The following SLC35E1 variants were observed in gnomAD, a reference collection of about 807,000 sequenced individuals.
SLC35E1 encodes solute carrier family 35, member E1.
A neutral mutation model predicts 31.0 loss-of-function variants in SLC35E1; 12 were observed. The ratio of observed to expected loss-of-function variants is 0.39; its 90% CI spans 0.25 to 0.63. SLC35E1 has a LOEUF of 0.63. Among genes scored for constraint, SLC35E1 ranks in the 20% least tolerant of loss-of-function variants. The pLI, the probability that SLC35E1 is intolerant of heterozygous loss-of-function variation, is 0.52. For missense variants in SLC35E1, 429 were observed against 572.2 expected, an observed-to-expected ratio of 0.75 and a Z score of 2.55; for synonymous variants, 257 against 264.1, an observed-to-expected ratio of 0.97 and a Z score of 0.26.
At chr19:16,567,790 G>C (rs922584851) in intron 3 of SLC35E1, among the ~76,000 whole-genome samples, 1 of 152,186 alleles carries the variant, frequency 6.6e-6, no homozygotes. Context: ...CTGGCCTCAA[G>C]TGAACCGCCC....
intron 4 of SLC35E1, among the ~76,000 whole-genome samples, chr19:16,563,622 T>C (rs113899774): frequency 6.6e-6 from 1 of 152,144 alleles, no homozygotes; most frequent in South Asian, 2.1e-4. Flanking sequence ...GCTAGGATTA[T>C]AGGCGTACGC....
chr19:16,559,865 G>C (rs951860227), intron 4 of SLC35E1, among the ~76,000 whole-genome samples: 2 of 152,076 alleles, frequency 1.3e-5, no homozygotes, highest in African/African-American at 4.8e-5. Context: ...CGTAAACTAC[G>C]TAATTTTGGC....
intron 4 of SLC35E1, among the ~76,000 whole-genome samples, chr19:16,559,445 C>A (rs1176435018): frequency 7.2e-6 from 1 of 139,166 alleles, no homozygotes; most frequent in Non-Finnish European, 1.5e-5. Flanking sequence ...TATGGCAAAA[C>A]CTTCTTTCTA....
At position 16,555,188 on chromosome 19, in the gene SLC35E1, C is replaced by T. The variant is rs2085869323; in HGVS notation, c.966G>A (p.Met322Ile). Reference sequence around the variant, plus strand: ...GGAAGACCCCCAGGATGGCGGTCATCATGCCCAGGACGTTGGTGCTGGTGA... The same window carrying T: ...GGAAGACCCCCAGGATGGCGGTCATTATGCCCAGGACGTTGGTGCTGGTGA... ...NPVTSTNVLG[M>I]MTAILGVFLY... is the part of the protein sequence containing the mutation. Residue 322 changes from methionine to isoleucine, a missense_variant, in exon 5 of 6, where the codon ATG becomes ATA. Met to Ile is a conservative substitution (Grantham distance 10). Coordinates refer to ENST00000595753, the MANE Select transcript of SLC35E1 (RefSeq NM_024881.5). This position sits in a 1 kb window ranked among gnomAD's most constrained non-coding sequence, Gnocchi z 4.1. 6 of 1,614,076 alleles carry T rather than the reference C, an allele frequency of 3.7e-6. No homozygotes were observed. Among genetic ancestry groups the T allele is most frequent in the Non-Finnish European group, 5.1e-6 (6 of 1,180,040 alleles).
intron 4 of SLC35E1, among the ~76,000 whole-genome samples, chr19:16,561,882 C>T (rs2122336553): frequency 6.6e-6 from 1 of 152,242 alleles, no homozygotes; most frequent in African/African-American, 2.4e-5. Context: ...TACACAAAGT[C>T]ATGCTCATGT....
In SLC35E1 at chr19:16,566,637, G is replaced by A; in HGVS notation, c.651C>T (p.Ile217=). 1 of 1,612,284 alleles carries A rather than the reference G, an allele frequency of 6.2e-7. No individual in the cohort carries two copies. Among genetic ancestry groups the A allele is most frequent in the Non-Finnish European group, 8.5e-7 (1 of 1,179,944 alleles). ...GGATGTTGAGCAGCCGGAGATGGTGGATCCGTGAATCTCGCAAGACCTGGA... is the reference window on the plus strand; with the variant it reads ...GGATGTTGAGCAGCCGGAGATGGTGAATCCGTGAATCTCGCAAGACCTGGA... The part of the protein sequence containing the change: ...FSKKVLRDSR[I]HHLRLLNILG... The change falls in exon 4 of 6, where the codon ATC becomes ATT. Residue 217 remains isoleucine (I), a synonymous_variant. Coordinates refer to ENST00000595753, the MANE Select transcript of SLC35E1 (RefSeq NM_024881.5).
chr19:16,561,296 G>C (rs1003645584), intron 4 of SLC35E1, among the ~76,000 whole-genome samples: 7 of 150,404 alleles, frequency 4.7e-5, no homozygotes, highest in African/African-American at 1.7e-4. Context: ...TTCTCTCTGA[G>C]GGTTAGGAGT....
In SLC35E1 at chr19:16,553,864, C is replaced by T. The variant is rs778199028; in HGVS notation, c.1048G>A (p.Val350Ile). ...NQQARKHLLP[V>I]TTADLSSKER... Reference sequence around the variant, plus strand: ...TTGCTGCTCAGGTCTGCTGTGGTGACGGGGAGGAGGTGCTTCCTGGCTTGC... The same window carrying T: ...TTGCTGCTCAGGTCTGCTGTGGTGATGGGGAGGAGGTGCTTCCTGGCTTGC... Residue 350 changes from valine to isoleucine, a missense_variant, in exon 6 of 6, where the codon GTC (valine) becomes ATC (isoleucine). Val to Ile is a conservative substitution (Grantham distance 29). Coordinates refer to ENST00000595753, the MANE Select transcript of SLC35E1 (RefSeq NM_024881.5). 2.5e-5 allele frequency: 40 copies of T among 1,612,626 alleles called. No homozygotes were observed. Among genetic ancestry groups the T allele is most frequent in the Middle Eastern group, 3.3e-4 (2 of 6,080 alleles).
chr19:16,569,814 A>C (rs1358642476), intron 2 of SLC35E1, among the ~76,000 whole-genome samples: 2 of 152,190 alleles, frequency 1.3e-5, no homozygotes, highest in Non-Finnish European at 2.9e-5. Context: ...ACGGCACTCC[A>C]ATCTGGGCAA....
chr19:16,554,679 G>A (rs967293357), intron 5 of SLC35E1, among the ~76,000 whole-genome samples: 2 of 152,028 alleles, frequency 1.3e-5, no homozygotes, highest in Admixed American at 6.6e-5. Context: ...AAATTAGCCA[G>A]GTGTGGTAGG....
At chr19:16,556,759 T>C (rs1407636945) in intron 4 of SLC35E1, among the ~76,000 whole-genome samples, 1 of 152,182 alleles carries the variant, frequency 6.6e-6, no homozygotes, top group Non-Finnish European at 1.5e-5. Context: ...TGACCGTGAT[T>C]GGCGGCCCTG....
intron 4 of SLC35E1, among the ~76,000 whole-genome samples, chr19:16,556,067 T>C (rs2122325168): frequency 6.6e-6 from 1 of 151,942 alleles, no homozygotes; most frequent in South Asian, 2.1e-4. Context: ...AATACAAAAT[T>C]GGTCGGGTGT....
At chr19:16,566,327 A>T in intron 4 of SLC35E1, 1 of 624,890 alleles carries the variant, frequency 1.6e-6, no homozygotes, top group Non-Finnish European at 2.7e-6. Context: ...CAAGCACACC[A>T]GAGAAGGAAA....
At chr19:16,566,739 G>A (rs1568274611) in intron 3 of SLC35E1, 82 bp from the exon 4 acceptor site, 20 of 1,511,792 alleles carry the variant, frequency 1.3e-5, no homozygotes, top group Non-Finnish European at 1.8e-5. Context: ...CCCAAACACA[G>A]TGACTGGACA....
At position 16,553,607 on chromosome 19, in the gene SLC35E1, G is replaced by T; in HGVS notation, c.*72C>A. ...CGGCTGGGTTGTACATTCACTGATTGTCAGAAGTTTCTGATACTGCTGTGG... is the reference window on the plus strand; with the variant it reads ...CGGCTGGGTTGTACATTCACTGATTTTCAGAAGTTTCTGATACTGCTGTGG... On this transcript the variant is annotated 3_prime_UTR_variant, in exon 6 of 6. Transcript: ENST00000595753. 7.5e-7 allele frequency: 1 copy of T among 1,328,114 alleles called. No individual in the cohort carries two copies. Among genetic ancestry groups the T allele is most frequent in the Non-Finnish European group, 1.0e-6 (1 of 988,306 alleles). The allele number at this position is 1,328,114 out of a possible 1,614,324, so 82.3% of individuals were successfully genotyped here.
intron 2 of SLC35E1, among the ~76,000 whole-genome samples, chr19:16,568,828 A>T (rs1281271761): frequency 6.6e-6 from 1 of 151,926 alleles, no homozygotes; most frequent in East Asian, 1.9e-4. Context: ...CACTGTGCCC[A>T]GCCCCCATTC....
In SLC35E1 at chr19:16,553,279, C is replaced by T. The variant is rs2085855010; in HGVS notation, c.*400G>A. The T allele has an allele frequency of 6.4e-6, 1 of 155,254 alleles. No homozygotes were observed. The highest frequency in any genetic ancestry group is 1.4e-5 in the Non-Finnish European group (1 of 70,118). 9.6% of individuals were successfully genotyped at this position (155,254 alleles called of 1,614,324 possible). ...ACCCCCACTGCCAGTTCATGGTCTACAGCCACAGTGACCCCAGCTTTTCAC... is the reference window on the plus strand; with the variant it reads ...ACCCCCACTGCCAGTTCATGGTCTATAGCCACAGTGACCCCAGCTTTTCAC... On this transcript the variant is annotated 3_prime_UTR_variant, in exon 6 of 6. Transcript: ENST00000595753.
chr19:16,567,601 C>T (rs928005338), intron 3 of SLC35E1, among the ~76,000 whole-genome samples: 6 of 152,102 alleles, frequency 3.9e-5, no homozygotes, highest in Non-Finnish European at 8.8e-5. Context: ...TCACTCTTGC[C>T]CAGGTTGGAG....
chr19:16,570,067 C>G (rs186190208), intron 2 of SLC35E1, among the ~76,000 whole-genome samples: 1 of 152,330 alleles, frequency 6.6e-6, no homozygotes, highest in East Asian at 1.9e-4. Flanking sequence ...AGGGCAGGTT[C>G]CTAGAAGTTA....
Sources: gnomAD v4.1 joint callset for allele counts (sites outside exome capture counted in the v4.1 genomes callset) on GRCh38, gnomAD v4.1.1 for gene constraint, Gnocchi (gnomAD v3.1) non-coding constraint, MANE v1.5 for transcripts, NCBI Gene and HGNC (gene_info 2026-07-23, HGNC 2026-07-21) for gene names.